KIRREL3: variants seen among roughly 807,000 people sequenced by gnomAD.
KIRREL3 encodes the protein kirre like nephrin family adhesion molecule 3.
In KIRREL3, 36 loss-of-function variants were observed where a neutral mutation model predicts 89.7. The ratio of observed to expected loss-of-function variants is 0.40; its 90% CI spans 0.31 to 0.53. The LOEUF is 0.53. Ranked by LOEUF, KIRREL3 falls within the 20% of genes least tolerant of loss-of-function variation. The pLI, the probability that KIRREL3 is intolerant of heterozygous loss-of-function variation, is 0.49. For synonymous variants in KIRREL3, 445 were observed against 441.4 expected (o/e 1.01, Z -0.10); for missense variants, 864 against 1,056.6 (o/e 0.82, Z 2.53).
rs563481897 is a variant in KIRREL3 at position 126,642,308 on chromosome 11, G to A, written c.56-79396C>T. On this transcript the variant is annotated intron_variant, in intron 1 of 16. Transcript: ENST00000525144. This position sits in a 1 kb window ranked among gnomAD's most constrained non-coding sequence, Gnocchi z 4.9. The stretch of plus-strand genomic sequence containing the variant: ...GAGACCAGCAAGAGGCTCTGTTTGC[G>A]CCAAGTCTCCCTGTAAACACTGTGG... Among the ~76,000 whole-genome samples, 16 of 152,258 alleles carry A rather than the reference G, an allele frequency of 1.1e-4. No individual in the cohort carries two copies. The highest frequency in any genetic ancestry group is 1.0e-3 in the South Asian group (5 of 4,828).
intron 1 of KIRREL3, among the ~76,000 whole-genome samples, chr11:126,982,904 G>T (rs1027302243): frequency 2.5e-4 from 38 of 152,178 alleles, no homozygotes; most frequent in African/African-American, 7.7e-4. Flanking sequence ...TCATACTCTA[G>T]ACTAATAAAG....
chr11:126,784,722 C>G (rs1234612298), intron 1 of KIRREL3, among the ~76,000 whole-genome samples: 2 of 152,022 alleles, frequency 1.3e-5, no homozygotes, highest in Non-Finnish European at 2.9e-5. Context: ...TGTCCTCGGT[C>G]GGGTGCCCTT....
At position 126,670,719 on chromosome 11, in the gene KIRREL3, G is replaced by A. The variant is rs1000350382; in HGVS notation, c.56-107807C>T. Among the ~76,000 whole-genome samples the A allele has an allele frequency of 2.5e-4, 38 of 152,288 alleles. No individual in the cohort carries two copies. In the East Asian group the frequency reaches 6.7e-3, roughly 27 times the overall value. ...CATTTTAGCTTTTACTGAATGGAAT[G>A]AAGAAAGATAAATACAAATTTGTGT... On this transcript the variant is annotated intron_variant, in intron 1 of 16. Transcript: ENST00000525144.
At chr11:126,505,133 C>T (rs1368138283) in intron 4 of KIRREL3, among the ~76,000 whole-genome samples, 1 of 152,230 alleles carries the variant, frequency 6.6e-6, no homozygotes, top group Non-Finnish European at 1.5e-5. Context: ...TTCTATTCAG[C>T]ATTGTACTGT....
rs4937158 is a variant in KIRREL3, at chr11:126,614,479, C to T, written c.56-51567G>A. 0.16 allele frequency among the ~76,000 whole-genome samples: 24,437 copies of T among 152,154 alleles called. 2,394 individuals are homozygous for T. Among genetic ancestry groups the T allele is most frequent in the East Asian group, 0.33 (1,687 of 5,164 alleles). ...ATGCCCTGGAGAGCTTTGAAAACTA[C>T]AGTGATACTCAGGCCCTTAGATCAA... On this transcript the variant is annotated intron_variant, in intron 1 of 16. Coordinates refer to ENST00000525144, the MANE Select transcript of KIRREL3 (RefSeq NM_032531.4). This position sits in a 1 kb window ranked among gnomAD's most constrained non-coding sequence, Gnocchi z 4.6.
intron 6 of KIRREL3, among the ~76,000 whole-genome samples, chr11:126,458,549 G>T (rs917186586): frequency 1.3e-5 from 2 of 152,226 alleles, no homozygotes; most frequent in Admixed American, 1.3e-4. Flanking sequence ...GCCAGGCACG[G>T]GAGCTGGCCT....
chr11:126,853,391 G>A (rs1187880411), intron 1 of KIRREL3, among the ~76,000 whole-genome samples: 1 of 152,134 alleles, frequency 6.6e-6, no homozygotes, highest in East Asian at 1.9e-4. Context: ...ATATGAGACT[G>A]TTTTCATTTA....
rs1947142148 is a variant in KIRREL3, at chr11:126,697,371, C to A, written c.56-134459G>T. ...TCCCTGACTTGGACAAGCCACTCAA[C>A]CCCTAGGAACCTGTTTTCTTATCTA... On this transcript the variant is annotated intron_variant, in intron 1 of 16. Transcript: ENST00000525144. This position sits in a 1 kb window ranked among gnomAD's most constrained non-coding sequence, Gnocchi z 4.2. 6.6e-6 allele frequency among the ~76,000 whole-genome samples: 1 copy of A among 152,190 alleles called. No homozygotes were observed. The highest frequency in any genetic ancestry group is 6.5e-5 in the Admixed American group (1 of 15,284).
intron 1 of KIRREL3, among the ~76,000 whole-genome samples, chr11:126,700,721 G>T (rs576710638): frequency 6.6e-6 from 1 of 152,068 alleles, no homozygotes; most frequent in Non-Finnish European, 1.5e-5. Context: ...GACTCATCCC[G>T]CTATTCAGCA....
At chr11:126,488,880 C>T (rs1433768599) in intron 4 of KIRREL3, among the ~76,000 whole-genome samples, 1 of 152,250 alleles carries the variant, frequency 6.6e-6, no homozygotes, top group African/African-American at 2.4e-5. Flanking sequence ...TGCAGCCTTA[C>T]CCCGTGCCCG....
rs558518179 is a variant in KIRREL3, at chr11:126,601,473, G to A, written c.56-38561C>T. Among the ~76,000 whole-genome samples the A allele has an allele frequency of 2.0e-4, 30 of 152,290 alleles. No homozygotes were observed. The highest frequency in any genetic ancestry group is 4.6e-4 in the African/African-American group (19 of 41,562). ...CTCATACTCTAAAGATGAACTTCCC[G>A]TGCTCAATCAAACGTTATTATCCCA... is the stretch of plus-strand genomic sequence containing the variant. On this transcript the variant is annotated intron_variant, in intron 1 of 16. Transcript: ENST00000525144. The surrounding 1 kb of genome is among the most constrained non-coding windows in gnomAD (Gnocchi z 5.8).
chr11:126,843,894 C>T lies in KIRREL3; in HGVS notation c.55+156561G>A, dbSNP rs1163362935. 6.6e-6 allele frequency among the ~76,000 whole-genome samples: 1 copy of T among 152,130 alleles called. No individual in the cohort carries two copies. Among genetic ancestry groups the T allele is most frequent in the Non-Finnish European group, 1.5e-5 (1 of 68,026 alleles). ...ATCAGAAAGTTACCCTACCTGGGCTCAAAAGGGGAGGCATGAATAATCCCC... is the reference window on the plus strand; with the variant it reads ...ATCAGAAAGTTACCCTACCTGGGCTTAAAAGGGGAGGCATGAATAATCCCC... On this transcript the variant is annotated intron_variant, in intron 1 of 16. Coordinates refer to ENST00000525144, the MANE Select transcript of KIRREL3 (RefSeq NM_032531.4). This position sits in a 1 kb window ranked among gnomAD's most constrained non-coding sequence, Gnocchi z 4.6.
rs1268246426 is a variant in KIRREL3 at position 126,568,741 on chromosome 11, G to A, written c.56-5829C>T. On this transcript the variant is annotated intron_variant, in intron 1 of 16. Transcript: ENST00000525144. This position sits in a 1 kb window ranked among gnomAD's most constrained non-coding sequence, Gnocchi z 4.6. ...CACATGATTCATATGAAAAGCAAAT[G>A]AGCCAACACATGGGCAAAAGTGCCC... 1.3e-5 allele frequency among the ~76,000 whole-genome samples: 2 copies of A among 152,304 alleles called. No individual in the cohort carries two copies. The highest frequency in any genetic ancestry group is 2.4e-5 in the African/African-American group (1 of 41,566).
At chr11:126,753,291 C>G (rs539166148) in intron 1 of KIRREL3, among the ~76,000 whole-genome samples, 1 of 152,188 alleles carries the variant, frequency 6.6e-6, no homozygotes. Context: ...CAGAGGGGCT[C>G]CATGGCTTCC....
intron 1 of KIRREL3, among the ~76,000 whole-genome samples, chr11:126,725,703 A>AG (rs1211147618): frequency 1.3e-5 from 2 of 152,126 alleles, no homozygotes; most frequent in African/African-American, 4.8e-5. Flanking sequence ...CCTCGCTGCA[A>AG]GGCTGCTGCT....
Position 126,615,934 on chromosome 11 carries a change from G to T in KIRREL3, c.56-53022C>A, listed in dbSNP as rs1486291184. ...TTTGTATGCCCCCGGGGACAGGACA[G>T]GATGGAGGGAGGAGCCCTGGGTGTG... On this transcript the variant is annotated intron_variant, in intron 1 of 16. Transcript: ENST00000525144. This position sits in a 1 kb window ranked among gnomAD's most constrained non-coding sequence, Gnocchi z 5.4. Among the ~76,000 whole-genome samples, 1 of 152,208 alleles carries T rather than the reference G, an allele frequency of 6.6e-6. No homozygotes were observed. The highest frequency in any genetic ancestry group is 2.4e-5 in the African/African-American group (1 of 41,464).
At position 126,647,088 on chromosome 11, in the gene KIRREL3, C is replaced by A. The variant is rs1944719927; in HGVS notation, c.56-84176G>T. ...GAAAGTATTACTCATCTTCCAACCA[C>A]TGACAAACAGGAGGCTCGGCACTTT... On this transcript the variant is annotated intron_variant, in intron 1 of 16. Coordinates refer to ENST00000525144, the MANE Select transcript of KIRREL3 (RefSeq NM_032531.4). This position sits in a 1 kb window ranked among gnomAD's most constrained non-coding sequence, Gnocchi z 4.9. Among the ~76,000 whole-genome samples, 1 of 152,196 alleles carries A rather than the reference C, an allele frequency of 6.6e-6. No individual in the cohort carries two copies.
chr11:126,894,572 G>GAAAAAAAAAA (rs1946070339), intron 1 of KIRREL3, among the ~76,000 whole-genome samples: 2 of 109,372 alleles, frequency 1.8e-5, no homozygotes, highest in Non-Finnish European at 3.8e-5. Flanking sequence ...AAAAAAAAAG[G>GAAAAAAAAAA]AAAAGAAAGA....
chr11:126,917,394 C>T lies in KIRREL3; in HGVS notation c.55+83061G>A, dbSNP rs551255365. Among the ~76,000 whole-genome samples, 1 of 152,202 alleles carries T rather than the reference C, an allele frequency of 6.6e-6. No individual in the cohort carries two copies. Among genetic ancestry groups the T allele is most frequent in the South Asian group, 2.1e-4 (1 of 4,828 alleles). The stretch of plus-strand genomic sequence containing the variant: ...ATAAATAGTGGTGATGGTTGCACAA[C>T]ATTGTCAATATAGTTAATGCCACTA... On this transcript the variant is annotated intron_variant, in intron 1 of 16. Coordinates refer to ENST00000525144, the MANE Select transcript of KIRREL3 (RefSeq NM_032531.4). This position sits in a 1 kb window ranked among gnomAD's most constrained non-coding sequence, Gnocchi z 5.0.
Sources: gnomAD v4.1 joint callset for allele counts (sites outside exome capture counted in the v4.1 genomes callset) on GRCh38, gnomAD v4.1.1 for gene constraint, Gnocchi (gnomAD v3.1) non-coding constraint, MANE v1.5 for transcripts, NCBI Gene and HGNC (gene_info 2026-07-23, HGNC 2026-07-21) for gene names.